PSMD1: variants seen among roughly 807,000 people sequenced by gnomAD.
PSMD1 encodes the protein proteasome 26S subunit, non-ATPase 1, also known as 26S proteasome non-ATPase regulatory subunit 1.
In PSMD1, 18 loss-of-function variants were observed where a neutral mutation model predicts 119.0. That is an observed-to-expected ratio of 0.15 (90% confidence interval 0.10 to 0.22). PSMD1 has a LOEUF of 0.22. PSMD1 is among the 10% of genes least tolerant of loss of function. The probability of loss-of-function intolerance (pLI) is 1.00; values close to 1 mark genes in which losing one functional copy is unlikely to be tolerated. For synonymous variants in PSMD1, 374 were observed against 396.6 expected (o/e 0.94, Z 0.68); for missense variants, 702 against 1,158.5 (o/e 0.61, Z 5.72).
intron 16 of PSMD1, among the ~76,000 whole-genome samples, chr2:231,106,693 G>C (rs1272314413): frequency 6.6e-6 from 1 of 152,132 alleles, no homozygotes; most frequent in Non-Finnish European, 1.5e-5. Context: ...TAGGTGTTGT[G>C]GCTAATTCTG....
chr2:231,096,738 C>G (rs1379921624), intron 16 of PSMD1, among the ~76,000 whole-genome samples: 1 of 152,226 alleles, frequency 6.6e-6, no homozygotes, highest in East Asian at 1.9e-4. Context: ...GTTCTTATCC[C>G]TGATGCACGT....
intron 15 of PSMD1, among the ~76,000 whole-genome samples, chr2:231,085,785 A>G (rs971702916): frequency 2.0e-5 from 3 of 152,164 alleles, no homozygotes; most frequent in African/African-American, 7.2e-5. Flanking sequence ...AGCAATAAGT[A>G]ATATTGCCTG....
chr2:231,091,915 G>A (rs371177947), intron 16 of PSMD1, among the ~76,000 whole-genome samples: 4 of 152,248 alleles, frequency 2.6e-5, no homozygotes, highest in East Asian at 1.9e-4. Context: ...GAATGCCAGC[G>A]CATCTTGCTG....
At chr2:231,113,825 G>A (rs1294995476) in intron 16 of PSMD1, 8 of 1,613,890 alleles carry the variant, frequency 5.0e-6, no homozygotes, top group South Asian at 4.4e-5. Context: ...GCTATGTAAC[G>A]ATCCACTGAA....
chr2:231,080,285 C>T lies in PSMD1; in HGVS notation c.1384C>T (p.Leu462Phe). ...NHGGDIIDYL[L>F]NQLKNASNDI... ...TGGTGGTGATATAATTGACTATCTG[C>T]TTAATCAGCTTAAGAACGCCAGCAA... The change falls in exon 12 of 25, where the codon CTT becomes TTT. Residue 462 changes from leucine to phenylalanine, a missense_variant. Physicochemically the swap from Leu to Phe is conservative, Grantham distance 22 (BLOSUM62 0). This residue lies in a region of PSMD1 where 272 missense variants were observed against 511.6 expected (regional missense o/e 0.53). Coordinates refer to ENST00000308696, the MANE Select transcript of PSMD1 (RefSeq NM_002807.4). 1 of 1,610,672 alleles carries T rather than the reference C, an allele frequency of 6.2e-7. No individual in the cohort carries two copies. Among genetic ancestry groups the T allele is most frequent in the Non-Finnish European group, 8.5e-7 (1 of 1,178,166 alleles).
Position 231,155,713 on chromosome 2 carries a change from A to C in PSMD1, c.2218+2047A>C, listed in dbSNP as rs1286358208. ...TTCCTCTCTTTTAACTTATTTGTCT[A>C]ATGGAGTTTTTTGTTTGGTTGGTTT... On this transcript the variant is annotated intron_variant, in intron 19 of 24. Coordinates refer to ENST00000308696, the MANE Select transcript of PSMD1 (RefSeq NM_002807.4). Among the ~76,000 whole-genome samples, 4 of 151,896 alleles carry C rather than the reference A, an allele frequency of 2.6e-5. No homozygotes were observed. In the East Asian group the frequency reaches 7.7e-4, roughly 29 times the overall value.
intron 17 of PSMD1, 88 bp from the exon 18 acceptor site, chr2:231,146,152 A>G (rs1396971730): frequency 3.5e-6 from 3 of 860,260 alleles, no homozygotes; most frequent in East Asian, 5.1e-5. Context: ...ACTTCCCAGA[A>G]TGTCGTTACA....
At chr2:231,167,175 A>G (rs904804012) in intron 23 of PSMD1, among the ~76,000 whole-genome samples, 3 of 151,542 alleles carry the variant, frequency 2.0e-5, no homozygotes, top group South Asian at 2.1e-4. Context: ...AGAATCATCA[A>G]TGGATACCTT....
chr2:231,083,504 T>G, intron 13 of PSMD1, 63 bp from the exon 14 acceptor site: 2 of 1,541,620 alleles, frequency 1.3e-6, no homozygotes, highest in South Asian at 2.3e-5. Flanking sequence ...CTACTTTCAG[T>G]TGGATGTTTT....
Position 231,131,494 on chromosome 2 carries a change from G to A in PSMD1, c.1884-7242G>A, listed in dbSNP as rs1695852559. Among the ~76,000 whole-genome samples, 2 of 106,576 alleles carry A rather than the reference G, an allele frequency of 1.9e-5. 1 individual carries two copies. The highest frequency in any genetic ancestry group is 3.3e-5 in the Non-Finnish European group (2 of 60,140). The allele number at this position is 106,576 out of a possible 152,430, so 69.9% of individuals were successfully genotyped here. On this transcript the variant is annotated intron_variant, in intron 16 of 24. Coordinates refer to ENST00000308696, the MANE Select transcript of PSMD1 (RefSeq NM_002807.4). ...TTTTTTTGCCCTTGCCGGGCGCGGT[G>A]GCTCACGCCTGTAATCCCAGCACTT... is the stretch of plus-strand genomic sequence containing the variant.
chr2:231,091,468 C>G (rs1227191145), intron 16 of PSMD1, among the ~76,000 whole-genome samples: 1 of 152,208 alleles, frequency 6.6e-6, no homozygotes, highest in African/African-American at 2.4e-5. Context: ...TACATCTCCT[C>G]CTTCCTTTTC....
intron 18 of PSMD1, among the ~76,000 whole-genome samples, chr2:231,148,639 A>C (rs774460577): frequency 2.6e-5 from 4 of 152,238 alleles, no homozygotes; most frequent in African/African-American, 7.2e-5. Flanking sequence ...ACTGACTAAA[A>C]AAGCAAAATT....
At chr2:231,165,505 G>T (rs1208331426) in intron 22 of PSMD1, among the ~76,000 whole-genome samples, 1 of 152,064 alleles carries the variant, frequency 6.6e-6, no homozygotes, top group Non-Finnish European at 1.5e-5. Flanking sequence ...AAAAGTTCCT[G>T]GAGCAAATGA....
At chr2:231,067,139 T>G in intron 5 of PSMD1, 28 bp downstream of exon 5, 7 of 1,496,574 alleles carry the variant, frequency 4.7e-6, no homozygotes, top group Non-Finnish European at 6.3e-6. Context: ...TTTTAGAAAT[T>G]ATTGTTGATA....
chr2:231,162,196 T>G (rs776378398), intron 20 of PSMD1, among the ~76,000 whole-genome samples: 1 of 152,232 alleles, frequency 6.6e-6, no homozygotes, highest in Non-Finnish European at 1.5e-5. Flanking sequence ...TAGGTCTTTC[T>G]TAGTCCTGTG....
At chr2:231,084,133 G>T (rs1694378031) in intron 14 of PSMD1, among the ~76,000 whole-genome samples, 1 of 152,088 alleles carries the variant, frequency 6.6e-6, no homozygotes, top group African/African-American at 2.4e-5. Flanking sequence ...TGGATCACTT[G>T]AGGTCAGGAG....
chr2:231,116,507 G>A lies in PSMD1; in HGVS notation c.1884-22229G>A, dbSNP rs554049138. Among the ~76,000 whole-genome samples the A allele has an allele frequency of 2.6e-5, 4 of 151,834 alleles. No individual in the cohort carries two copies. The East Asian group carries it at 7.7e-4, about 29-fold the overall frequency. ...TCTAGTTATGGATTATACTTCTGAA[G>A]ATTAAGGTTTGGAAAATTCTAGTCA... is the stretch of plus-strand genomic sequence containing the variant. On this transcript the variant is annotated intron_variant, in intron 16 of 24. Transcript: ENST00000308696.
intron 2 of PSMD1, 125 bp downstream of exon 2, chr2:231,061,435 T>C: frequency 1.4e-6 from 1 of 689,928 alleles, no homozygotes. Flanking sequence ...CCAGTTACTG[T>C]AACCTAGCCA....
chr2:231,067,156 C>T, intron 5 of PSMD1, 45 bp downstream of exon 5: 2 of 1,406,824 alleles, frequency 1.4e-6, no homozygotes, highest in South Asian at 1.4e-5. Flanking sequence ...GATAGGGAAT[C>T]AGCAAAGCAA....
Sources: allele counts gnomAD v4.1 joint callset (sites outside exome capture counted in the v4.1 genomes callset), GRCh38; gene constraint gnomAD v4.1.1; regional missense constraint gnomAD v4.1.1; transcripts MANE v1.5; gene names NCBI Gene and HGNC (gene_info 2026-07-23, HGNC 2026-07-21).